The following OVOL2 variants were observed in gnomAD, a reference collection of about 807,000 sequenced individuals.
The protein encoded by OVOL2 is ovo like zinc finger 2.
OVOL2 carries 13 observed loss-of-function variants against 18.1 expected under a neutral mutation model. That is an observed-to-expected ratio of 0.72 (90% CI 0.47 to 1.14). The LOEUF is 1.14. OVOL2 is among the 50% of genes most tolerant of loss of function. The probability of loss-of-function intolerance (pLI) is 0.00; values close to 1 mark genes in which losing one functional copy is unlikely to be tolerated. For missense variants in OVOL2, 335 were observed against 383.0 expected (o/e 0.87, Z 1.05); for synonymous variants, 166 against 162.7 (o/e 1.02, Z -0.16).
intron 2 of OVOL2, among the ~76,000 whole-genome samples, chr20:18,042,325 G>A (rs1444079044): frequency 1.3e-5 from 2 of 152,238 alleles, no homozygotes; most frequent in Admixed American, 6.5e-5. Context: ...TGAATGTTAG[G>A]CCCCTCCAAA....
intron 2 of OVOL2, among the ~76,000 whole-genome samples, chr20:18,047,853 C>CAAAAAAAAAA (rs34668253): frequency 7.4e-4 from 35 of 47,000 alleles, no homozygotes; most frequent in East Asian, 1.7e-3. Context: ...GACTCCGTCT[C>CAAAAAAAAAA]AAAAAAAAAA....
intron 2 of OVOL2, among the ~76,000 whole-genome samples, chr20:18,050,109 A>C (rs1168208862): frequency 6.6e-6 from 1 of 152,108 alleles, no homozygotes; most frequent in Non-Finnish European, 1.5e-5. Context: ...CCTGTAGTCG[A>C]TCCTATGGAA....
chr20:18,035,631 G>A (rs926056912), intron 3 of OVOL2, among the ~76,000 whole-genome samples: 5 of 152,232 alleles, frequency 3.3e-5, no homozygotes, highest in Non-Finnish European at 4.4e-5. Context: ...GAGATGGCTC[G>A]GCAAGCCTGT....
chr20:18,024,744 G>T lies in OVOL2; in HGVS notation c.720C>A (p.Ser240Arg). ...YLHVNSAHPG[S>R]SFLKKTSKKL... is the part of the protein sequence containing the mutation. ...TTTTAGATGTCTTTTTGAGAAACGA[G>T]CTGCCCGGATGGGCACTGTTCACGT... The change falls in exon 4 of 4, where the codon AGC (serine) becomes AGA (arginine). Residue 240 changes from serine to arginine, a missense_variant. Physicochemically the swap from Ser to Arg is moderately radical, Grantham distance 110 (BLOSUM62 -1). Coordinates refer to ENST00000278780, the MANE Select transcript of OVOL2 (RefSeq NM_021220.4). 1.2e-6 allele frequency: 2 copies of T among 1,614,176 alleles called. No individual in the cohort carries two copies. The highest frequency in any genetic ancestry group is 1.7e-6 in the Non-Finnish European group (2 of 1,180,036).
chr20:18,043,952 C>G (rs760463807), intron 2 of OVOL2, among the ~76,000 whole-genome samples: 4 of 152,144 alleles, frequency 2.6e-5, no homozygotes, highest in Admixed American at 1.3e-4. Context: ...CCTCTCCTGG[C>G]TCCACACTCT....
rs1195023848 is a variant in OVOL2, at chr20:18,057,287, C to G, written c.100+248G>C. On this transcript the variant is annotated intron_variant, in intron 1 of 3. Coordinates refer to ENST00000278780, the MANE Select transcript of OVOL2 (RefSeq NM_021220.4). The surrounding 1 kb of genome is among the most constrained non-coding windows in gnomAD (Gnocchi z 6.3). ...ATCCCTTTCCTGGGCCACCTTGGCCCGCGCTGCAGCCAACGGTCCCGCCGC... is the reference window on the plus strand; with the variant it reads ...ATCCCTTTCCTGGGCCACCTTGGCCGGCGCTGCAGCCAACGGTCCCGCCGC... 6.6e-6 allele frequency among the ~76,000 whole-genome samples: 1 copy of G among 152,202 alleles called. No homozygotes were observed. The highest frequency in any genetic ancestry group is 1.5e-5 in the Non-Finnish European group (1 of 68,026).
intron 3 of OVOL2, among the ~76,000 whole-genome samples, chr20:18,035,089 G>A (rs1288940443): frequency 6.6e-6 from 1 of 152,110 alleles, no homozygotes. Flanking sequence ...CTTTGTTTCT[G>A]GCCTAAATAC....
chr20:18,047,028 AAAC>A (rs980845435), intron 2 of OVOL2, among the ~76,000 whole-genome samples: 1 of 152,092 alleles, frequency 6.6e-6, no homozygotes, highest in African/African-American at 2.4e-5. Context: ...CCCACATGTA[AAAC>A]AATAAAATGG....
At chr20:18,054,667 G>A (rs1284884304) in intron 2 of OVOL2, among the ~76,000 whole-genome samples, 6 of 151,272 alleles carry the variant, frequency 4.0e-5, no homozygotes, top group East Asian at 1.9e-4. Context: ...ACTTGAACCC[G>A]GGAGGCAGAG....
chr20:18,032,317 G>C (rs1307386651), intron 3 of OVOL2, among the ~76,000 whole-genome samples: 3 of 140,816 alleles, frequency 2.1e-5, no homozygotes, highest in African/African-American at 8.2e-5. Context: ...GAGAGAGAGA[G>C]AGAAAGAAAG....
chr20:18,024,647 C>T lies in OVOL2; in HGVS notation c.817G>A (p.Glu273Lys), dbSNP rs770902000. 7 of 1,599,420 alleles carry T rather than the reference C, an allele frequency of 4.4e-6. No individual in the cohort carries two copies. The South Asian group carries it at 4.5e-5, about 10-fold the overall frequency. Residue 273 changes from glutamate to lysine, a missense_variant, in exon 4 of 4, where the codon GAG becomes AAG. By Grantham distance (56) the Glu-to-Lys change is moderately conservative (BLOSUM62 1). Coordinates refer to ENST00000278780, the MANE Select transcript of OVOL2 (RefSeq NM_021220.4). ...QENTSLSEEE[E>K]RK is the part of the protein sequence containing the mutation. The stretch of plus-strand genomic sequence containing the variant: ...CCCCTTCCTTCTCCTCACTTCCTCT[C>T]CTCCTCCTCACTCAGGCTGGTATTC...
intron 2 of OVOL2, among the ~76,000 whole-genome samples, chr20:18,043,767 C>CGCT (rs1187146266): frequency 6.6e-6 from 1 of 152,188 alleles, no homozygotes; most frequent in East Asian, 1.9e-4. Context: ...CTACCACCTT[C>CGCT]GCTGCTGCTA....
intron 2 of OVOL2, among the ~76,000 whole-genome samples, chr20:18,044,412 G>A (rs2036705763): frequency 1.3e-5 from 2 of 152,312 alleles, no homozygotes; most frequent in Non-Finnish European, 2.9e-5. Flanking sequence ...TCTAGGGCCA[G>A]TGCACAATCA....
In OVOL2 at chr20:18,056,752, CG is replaced by C; in HGVS notation, c.225del (p.His75GlnfsTer60). On this transcript the variant is annotated frameshift_variant, in exon 2 of 4. Coordinates refer to ENST00000278780, the MANE Select transcript of OVOL2 (RefSeq NM_021220.4). LOFTEE classifies it high-confidence loss of function. This position sits in a 1 kb window ranked among gnomAD's most constrained non-coding sequence, Gnocchi z 4.2. ...GGCTCGGGGGTTTCGCTCTCGGGGG[CG>C]TGCGGGGACGAGCTGCTCTCTGCTC... ...PGGAESSSSP[H>X]APESETPEPG... is the part of the protein sequence containing the mutation. The C allele has an allele frequency of 6.7e-7, 1 of 1,490,376 alleles. No individual in the cohort carries two copies. Among genetic ancestry groups the C allele is most frequent in the Non-Finnish European group, 8.9e-7 (1 of 1,127,736 alleles). 92.3% of individuals were successfully genotyped at this position (1,490,376 alleles called of 1,614,324 possible).
In OVOL2 at chr20:18,056,847, G is replaced by C. The variant is rs1458342541; in HGVS notation, c.131C>G (p.Pro44Arg). 6 of 1,487,926 alleles carry C rather than the reference G, an allele frequency of 4.0e-6. No individual in the cohort carries two copies. Among genetic ancestry groups the C allele is most frequent in the Admixed American group, 2.3e-5 (1 of 44,012 alleles). 92.2% of individuals were successfully genotyped at this position (1,487,926 alleles called of 1,614,324 possible). ...VGLGRLLHDPPEDCRSDGGSS... is the reference protein window; with the variant it reads ...VGLGRLLHDPREDCRSDGGSS... ...GCCGCCGTCGCTGCGGCAGTCCTCG[G>C]GGGGGTCGTGGAGCAGGCGGCCTAG... Residue 44 changes from proline to arginine, a missense_variant, in exon 2 of 4, where the codon CCC becomes CGC. Physicochemically the swap from Pro to Arg is moderately radical, Grantham distance 103 (BLOSUM62 -2). Transcript: ENST00000278780. This position sits in a 1 kb window ranked among gnomAD's most constrained non-coding sequence, Gnocchi z 4.2.
At chr20:18,031,233 GA>G (rs1030705613) in intron 3 of OVOL2, among the ~76,000 whole-genome samples, 96 of 152,228 alleles carry the variant, frequency 6.3e-4, no homozygotes, top group African/African-American at 2.3e-3. Context: ...GCTCCAGCCC[GA>G]AAGGCCGTTT....
At chr20:18,034,626 TTC>T (rs11466923) in intron 3 of OVOL2, among the ~76,000 whole-genome samples, 25,655 of 137,562 alleles carry the variant, frequency 0.19, 2,738 homozygotes, top group Non-Finnish European at 0.26. Context: ...CTTCCCCTCT[TTC>T]TCTCTCTCTC....
upstream of OVOL2, chr20:18,057,981 C>A (rs899522757): frequency 6.0e-6 from 5 of 835,450 alleles, no homozygotes; most frequent in Non-Finnish European, 7.6e-6. The surrounding 1 kb of genome is among the most constrained non-coding windows in gnomAD (Gnocchi z 6.3). Flanking sequence ...CGACCGGTTC[C>A]GGCGGCCGGG....
chr20:18,041,694 C>T lies in OVOL2; in HGVS notation c.351G>A (p.Val117=). 1 of 1,613,670 alleles carries T rather than the reference C, an allele frequency of 6.2e-7. No homozygotes were observed. The highest frequency in any genetic ancestry group is 8.5e-7 in the Non-Finnish European group (1 of 1,179,812). ...TGCCACACAGGTCACAGCTGTGAAC[C>T]ACCGAGTCGCTGCACGTGCCTGTGG... ...KFTTGTCSDS[V]VHSCDLCGKG... Residue 117 remains valine (V), a synonymous_variant, in exon 3 of 4, where the codon GTG becomes GTA. Transcript: ENST00000278780.
Sources: allele counts gnomAD v4.1 joint callset (sites outside exome capture counted in the v4.1 genomes callset), GRCh38; gene constraint gnomAD v4.1.1; non-coding constraint Gnocchi (gnomAD v3.1); transcripts MANE v1.5; gene names NCBI Gene and HGNC (gene_info 2026-07-23, HGNC 2026-07-21).